The following ANKS1A variants were observed in gnomAD, a reference collection of about 807,000 sequenced individuals.
ANKS1A encodes the protein ankyrin repeat and sterile alpha motif domain containing 1A.
In ANKS1A, 55 loss-of-function variants were observed where a neutral mutation model predicts 120.3. The observed-to-expected ratio is 0.46, with a 90% confidence interval of 0.37 to 0.57. The LOEUF is 0.57. ANKS1A is among the 20% of genes least tolerant of loss of function. ANKS1A has a pLI of 0.00. For missense variants in ANKS1A, 1,123 were observed against 1,480.3 expected (o/e 0.76, Z 3.96); for synonymous variants, 590 against 604.7 (o/e 0.98, Z 0.36).
intron 14 of ANKS1A, among the ~76,000 whole-genome samples, chr6:35,078,996 G>GCCTGCACT (rs1777516693): frequency 6.6e-6 from 1 of 152,128 alleles, no homozygotes; most frequent in Admixed American, 6.5e-5. Flanking sequence ...CTGGCTCACT[G>GCCTGCACT]GAGCCCTGGC....
intron 1 of ANKS1A, among the ~76,000 whole-genome samples, chr6:34,944,275 C>CAA (rs145362168): frequency 1.4e-5 from 2 of 138,428 alleles, no homozygotes; most frequent in Admixed American, 7.2e-5. Context: ...GATGCCATCT[C>CAA]AAAAAAAAAA....
chr6:35,068,660 A>G (rs766260882), intron 13 of ANKS1A, among the ~76,000 whole-genome samples: 54 of 152,100 alleles, frequency 3.6e-4, no homozygotes, highest in Admixed American at 1.2e-3. Flanking sequence ...CCTGAGTCTG[A>G]GAAAGGGAAT....
intron 3 of ANKS1A, among the ~76,000 whole-genome samples, chr6:34,972,896 G>A (rs1771258085): frequency 6.6e-6 from 1 of 152,070 alleles, no homozygotes; most frequent in Non-Finnish European, 1.5e-5. Context: ...TGAAATGGCA[G>A]GAATGGGGAA....
At chr6:35,059,020 C>T (rs1472391657) in intron 12 of ANKS1A, among the ~76,000 whole-genome samples, 1 of 152,232 alleles carries the variant, frequency 6.6e-6, no homozygotes, top group South Asian at 2.1e-4. Flanking sequence ...AGACTTAAGC[C>T]GCCACAGCTC....
At chr6:34,997,195 A>T (rs1201813083) in intron 10 of ANKS1A, among the ~76,000 whole-genome samples, 2 of 130,274 alleles carry the variant, frequency 1.5e-5, no homozygotes, top group Non-Finnish European at 3.1e-5. Context: ...TATTGGTAGA[A>T]TTTTTTTTTT....
At chr6:35,046,879 T>A (rs960326025) in intron 11 of ANKS1A, among the ~76,000 whole-genome samples, 5 of 152,214 alleles carry the variant, frequency 3.3e-5, no homozygotes, top group African/African-American at 1.2e-4. Context: ...AACATTACTG[T>A]CACTCCCAGA....
chr6:34,966,465 C>G (rs772644391), intron 1 of ANKS1A, among the ~76,000 whole-genome samples: 42 of 152,182 alleles, frequency 2.8e-4, no homozygotes, highest in Non-Finnish European at 5.3e-4. Flanking sequence ...TCATTAGAAG[C>G]AGGAACAAAA....
chr6:35,013,311 G>T (rs533179790), intron 10 of ANKS1A, among the ~76,000 whole-genome samples: 2 of 151,266 alleles, frequency 1.3e-5, no homozygotes, highest in South Asian at 4.2e-4. Flanking sequence ...TTATTTTTTG[G>T]TGAGACAAGG....
intron 1 of ANKS1A, among the ~76,000 whole-genome samples, chr6:34,946,622 T>A (rs1451311716): frequency 2.0e-5 from 3 of 151,556 alleles, no homozygotes; most frequent in Admixed American, 2.0e-4. Flanking sequence ...TCTGGCTAGA[T>A]GTTTATCAAT....
chr6:35,047,099 T>A (rs1233898836), intron 11 of ANKS1A, among the ~76,000 whole-genome samples: 1 of 152,228 alleles, frequency 6.6e-6, no homozygotes, highest in Non-Finnish European at 1.5e-5. Context: ...CTTCTTCCTG[T>A]TTCGCAAGTT....
At chr6:34,965,992 C>G (rs1191851762) in intron 1 of ANKS1A, among the ~76,000 whole-genome samples, 1 of 152,158 alleles carries the variant, frequency 6.6e-6, no homozygotes, top group Non-Finnish European at 1.5e-5. Context: ...ATTGGCCCGC[C>G]TCAGCTTCCC....
chr6:34,901,146 T>C (rs966725770), intron 1 of ANKS1A, among the ~76,000 whole-genome samples: 6 of 151,962 alleles, frequency 3.9e-5, no homozygotes, highest in Non-Finnish European at 2.9e-5. Context: ...GGCCAAAGTT[T>C]GTACAGGGGA....
chr6:35,032,314 A>C lies in ANKS1A; in HGVS notation c.2010+14255A>C, dbSNP rs76889478. ...TTGGGGCTCAGGAGAGGATGAGGTC[A>C]AGTCTCTGTCTGCCATAAAACCTGC... On this transcript the variant is annotated intron_variant, in intron 11 of 23. Transcript: ENST00000360359. Among the ~76,000 whole-genome samples the C allele has an allele frequency of 3.3e-4, 51 of 152,262 alleles. No individual in the cohort carries two copies. In the East Asian group the frequency reaches 9.3e-3, roughly 28 times the overall value.
Position 34,972,537 on chromosome 6 carries a change from C to T in ANKS1A, c.435+2371C>T, listed in dbSNP as rs888899406. ...GGCTGTGTATTGCTTTGATATATTTCATCCATTTTGTCATCACTTTTTCTT... is the reference window on the plus strand; with the variant it reads ...GGCTGTGTATTGCTTTGATATATTTTATCCATTTTGTCATCACTTTTTCTT... On this transcript the variant is annotated intron_variant, in intron 3 of 23. Transcript: ENST00000360359. 6.4e-6 allele frequency: 6 copies of T among 940,046 alleles called. No homozygotes were observed. The South Asian group carries it at 2.0e-4, about 31-fold the overall frequency. 58.2% of individuals were successfully genotyped at this position (940,046 alleles called of 1,614,324 possible).
chr6:34,933,187 T>A (rs1162694346), intron 1 of ANKS1A, among the ~76,000 whole-genome samples: 1 of 152,236 alleles, frequency 6.6e-6, no homozygotes, highest in Non-Finnish European at 1.5e-5. Context: ...GTTGTTGAGT[T>A]GTATGAGTAG....
intron 1 of ANKS1A, among the ~76,000 whole-genome samples, chr6:34,905,025 G>C (rs772736717): frequency 2.6e-5 from 4 of 152,178 alleles, no homozygotes; most frequent in African/African-American, 4.8e-5. Flanking sequence ...TGGCCAGGCT[G>C]GTCTTGAACT....
chr6:34,900,454 T>G (rs1179425107), intron 1 of ANKS1A, among the ~76,000 whole-genome samples: 1 of 152,084 alleles, frequency 6.6e-6, no homozygotes, highest in Admixed American at 6.5e-5. Flanking sequence ...TCTCTCTGTT[T>G]TTTTTTTAAT....
At chr6:35,036,260 G>C (rs1248522977) in intron 11 of ANKS1A, among the ~76,000 whole-genome samples, 2 of 152,246 alleles carry the variant, frequency 1.3e-5, no homozygotes, top group Non-Finnish European at 2.9e-5. Flanking sequence ...CCCTGTCACA[G>C]TTGGCCTGAT....
intron 10 of ANKS1A, among the ~76,000 whole-genome samples, chr6:35,005,978 A>G (rs1202670458): frequency 1.3e-5 from 2 of 151,978 alleles, no homozygotes; most frequent in Non-Finnish European, 2.9e-5. Flanking sequence ...CACAAGGACA[A>G]GAGATCGAGA....
Sources: allele counts gnomAD v4.1 joint callset (sites outside exome capture counted in the v4.1 genomes callset), GRCh38; gene constraint gnomAD v4.1.1; transcripts MANE v1.5; gene names NCBI Gene and HGNC (gene_info 2026-07-23, HGNC 2026-07-21).